Variants in C17orf75 observed in about 807,000 individuals in gnomAD.
C17orf75 encodes protein Njmu-R1.
In C17orf75, 32 loss-of-function variants were observed where a neutral mutation model predicts 49.6. The ratio of observed to expected loss-of-function variants is 0.65; its 90% confidence interval spans 0.49 to 0.87. C17orf75 has a LOEUF of 0.87. Ranked by LOEUF, C17orf75 falls within the 40% of genes least tolerant of loss-of-function variation. The pLI is 0.00. For missense variants in C17orf75, 428 were observed against 473.9 expected, an observed-to-expected ratio of 0.90 and a Z score of 0.90; for synonymous variants, 158 against 159.5, an observed-to-expected ratio of 0.99 and a Z score of 0.07.
intron 6 of C17orf75, 100 bp from the exon 7 acceptor site, chr17:32,334,939 C>A: frequency 1.1e-6 from 1 of 940,594 alleles, no homozygotes; most frequent in African/African-American, 1.7e-5. Flanking sequence ...CCACACTGGA[C>A]AACAATTGAT....
upstream of C17orf75, among the ~76,000 whole-genome samples, chr17:32,345,132 T>A (rs183964253): frequency 3.9e-5 from 6 of 152,270 alleles, no homozygotes; most frequent in East Asian, 1.2e-3. Flanking sequence ...TCTGAAAATA[T>A]ATCCTCACGT....
chr17:32,333,257 G>T (rs1013366863), intron 9 of C17orf75, among the ~76,000 whole-genome samples, 160 bp downstream of exon 9: 4 of 152,176 alleles, frequency 2.6e-5, no homozygotes, highest in Non-Finnish European at 5.9e-5. Flanking sequence ...TACAGAAGCT[G>T]CCAAAAAATA....
chr17:32,345,626 T>C (rs1048723749), upstream of C17orf75, among the ~76,000 whole-genome samples: 2 of 149,406 alleles, frequency 1.3e-5, no homozygotes, highest in Non-Finnish European at 3.0e-5. Context: ...GGTCAGGAGA[T>C]TGAGACCACC....
chr17:32,341,347 G>T lies in C17orf75; in HGVS notation c.141-63C>A. 4.5e-6 allele frequency: 7 copies of T among 1,547,762 alleles called. No homozygotes were observed. In the South Asian group the frequency reaches 7.8e-5, roughly 17 times the overall value. ...GCTCTAAACCAAGAGGAGTATGGGGGCCTGGCAAGCAGGGTAAGGCAAGGA... is the reference window on the plus strand; with the variant it reads ...GCTCTAAACCAAGAGGAGTATGGGGTCCTGGCAAGCAGGGTAAGGCAAGGA... On this transcript the variant is annotated intron_variant, in intron 1 of 9. Coordinates refer to ENST00000577809, the MANE Select transcript of C17orf75 (RefSeq NM_022344.4).
intron 4 of C17orf75, 33 bp downstream of exon 4, chr17:32,338,175 T>A: frequency 1.9e-6 from 3 of 1,601,778 alleles, no homozygotes; most frequent in Non-Finnish European, 1.7e-6. Flanking sequence ...ATGTTTTCCT[T>A]CCTGATGTTC....
At chr17:32,346,597 G>T (rs1046507056), upstream of C17orf75, among the ~76,000 whole-genome samples, 1 of 151,512 alleles carries the variant, frequency 6.6e-6, no homozygotes, top group Non-Finnish European at 1.5e-5. Context: ...TTTTTGAGAC[G>T]CAGTCTCGCT....
At chr17:32,336,872 G>A (rs1168175967) in intron 5 of C17orf75, among the ~76,000 whole-genome samples, 1 of 151,826 alleles carries the variant, frequency 6.6e-6, no homozygotes, top group Admixed American at 6.6e-5. Flanking sequence ...TAGGCTGGGT[G>A]CAGTGGTTCA....
chr17:32,348,781 A>C (rs949555269), intron 1 of C17orf75, among the ~76,000 whole-genome samples: 10 of 151,468 alleles, frequency 6.6e-5, no homozygotes, highest in Non-Finnish European at 1.5e-4. Flanking sequence ...ACTTCTGAGA[A>C]TGCTTCTAGG....
At chr17:32,332,038 A>T (rs566913092) in intron 9 of C17orf75, 60 bp from the exon 10 acceptor site, 2 of 1,369,354 alleles carry the variant, frequency 1.5e-6, no homozygotes, top group Non-Finnish European at 2.0e-6. Flanking sequence ...AGCTCAAAAA[A>T]TAACTCCTAT....
At position 32,329,965 on chromosome 17, in the gene C17orf75, C is replaced by T. The variant is rs2041261264; in HGVS notation, c.*1798G>A. On this transcript the variant is annotated 3_prime_UTR_variant, in exon 10 of 10. Coordinates refer to ENST00000577809, the MANE Select transcript of C17orf75 (RefSeq NM_022344.4). The stretch of plus-strand genomic sequence containing the variant: ...TCAAGCGATTCTCCTGCCTCAGCCT[C>T]CCAAGTAGCTGGGACTACAGGCACA... 6.6e-6 allele frequency: 1 copy of T among 152,334 alleles called. No homozygotes were observed. The highest frequency in any genetic ancestry group is 1.5e-5 in the Non-Finnish European group (1 of 68,156). The allele number at this position is 152,334 out of a possible 1,614,324, so 9.4% of individuals were successfully genotyped here.
In C17orf75 at chr17:32,334,570, T is replaced by A. The variant is rs767243043; in HGVS notation, c.770A>T (p.His257Leu). 1.9e-5 allele frequency: 30 copies of A among 1,612,270 alleles called. No homozygotes were observed. The Admixed American group carries it at 3.8e-4, about 21-fold the overall frequency. Residue 257 changes from histidine (H) to leucine (L), a missense_variant, in exon 8 of 10, where the codon CAT becomes CTT. Transcript: ENST00000577809. The stretch of plus-strand genomic sequence containing the variant: ...GCACAAAGAAGTCATGGTGCCTTCA[T>A]GAATAAGTCCTTGAAGACTGGCCAC... ...LSVASLQGLI[H>L]EGTMTSLCMA...
chr17:32,341,679 A>C, intron 1 of C17orf75: 1 of 458,226 alleles, frequency 2.2e-6, no homozygotes, highest in Non-Finnish European at 3.1e-6. Context: ...AGGAGAGGGG[A>C]CGGGAACTGA....
intron 1 of C17orf75, chr17:32,349,921 T>C: frequency 9.3e-7 from 1 of 1,072,428 alleles, no homozygotes; most frequent in Non-Finnish European, 1.1e-6. Flanking sequence ...CTGTTTTCCA[T>C]TCGCATGCCC....
rs1278039021 is a variant in C17orf75 at position 32,342,081 on chromosome 17, T to C, written c.59A>G (p.Glu20Gly). 6.3e-7 allele frequency: 1 copy of C among 1,592,084 alleles called. No homozygotes were observed. The highest frequency in any genetic ancestry group is 1.1e-5 in the South Asian group (1 of 87,692). ...DGDEKELESS[E>G]EGGSAEERRL... ...CCGCTCCTCGGCTGAGCCTCCCTCT[T>C]CGCTGCTCTCTAGTTCCTTTTCATC... The change falls in exon 1 of 10, where the codon GAA (glutamate) becomes GGA (glycine). Residue 20 changes from glutamate (E) to glycine (G), a missense_variant. Physicochemically the swap from Glu to Gly is moderately conservative, Grantham distance 98. Coordinates refer to ENST00000577809, the MANE Select transcript of C17orf75 (RefSeq NM_022344.4).
rs1262877345 is a variant in C17orf75, at chr17:32,329,602, C to T, written c.*2161G>A. The T allele has an allele frequency of 6.6e-6, 1 of 151,858 alleles. No individual in the cohort carries two copies. Among genetic ancestry groups the T allele is most frequent in the Non-Finnish European group, 1.5e-5 (1 of 68,000 alleles). The allele number at this position is 151,858 out of a possible 1,614,324, so 9.4% of individuals were successfully genotyped here. A position where few individuals can be genotyped will look rare whatever the true frequency, so the allele number is the denominator to read the frequency against. Reference sequence around the variant, plus strand: ...CAACCACACAGAGAATATGTAATTACACCTTGCCTATATCCATAAATGATT... The same window carrying T: ...CAACCACACAGAGAATATGTAATTATACCTTGCCTATATCCATAAATGATT... On this transcript the variant is annotated 3_prime_UTR_variant, in exon 10 of 10. Coordinates refer to ENST00000577809, the MANE Select transcript of C17orf75 (RefSeq NM_022344.4).
chr17:32,343,987 G>A, upstream of C17orf75: 1 of 682,448 alleles, frequency 1.5e-6, no homozygotes, highest in Non-Finnish European at 2.7e-6. Context: ...TATACAAATT[G>A]TGAAATATCG....
In C17orf75 at chr17:32,337,887, G is replaced by T. The variant is rs1314395408; in HGVS notation, c.549+10C>A. 4 of 1,600,248 alleles carry T rather than the reference G, an allele frequency of 2.5e-6. No homozygotes were observed. On this transcript the variant is annotated intron_variant, in intron 5 of 9. Transcript: ENST00000577809. ...TCAGTCTTTAAAAACCATTAAGTCAGTCACCTTACCTCACAATTCATGTTA... is the reference window on the plus strand; with the variant it reads ...TCAGTCTTTAAAAACCATTAAGTCATTCACCTTACCTCACAATTCATGTTA...
intron 6 of C17orf75, among the ~76,000 whole-genome samples, chr17:32,335,055 G>A (rs1379819572): frequency 1.3e-5 from 2 of 152,062 alleles, no homozygotes; most frequent in African/African-American, 2.4e-5. Flanking sequence ...AAATTGTTTT[G>A]GAAACTATAC....
At position 32,330,210 on chromosome 17, in the gene C17orf75, T is replaced by C. The variant is rs556735157; in HGVS notation, c.*1553A>G. ...TCTATACTGCCTACATTCCAAGTTA[T>C]TAAAGTTTAAAACCGTATGAAAGCA... On this transcript the variant is annotated 3_prime_UTR_variant, in exon 10 of 10. Coordinates refer to ENST00000577809, the MANE Select transcript of C17orf75 (RefSeq NM_022344.4). 2 of 152,340 alleles carry C rather than the reference T, an allele frequency of 1.3e-5. No homozygotes were observed. Among genetic ancestry groups the C allele is most frequent in the African/African-American group, 2.4e-5 (1 of 41,586 alleles). 9.4% of individuals were successfully genotyped at this position (152,340 alleles called of 1,614,324 possible).
Sources: gnomAD v4.1 joint callset for allele counts (sites outside exome capture counted in the v4.1 genomes callset) on GRCh38, gnomAD v4.1.1 for gene constraint, MANE v1.5 for transcripts, NCBI Gene and HGNC (gene_info 2026-07-23, HGNC 2026-07-21) for gene names.